TDRD9: variants seen among roughly 807,000 people sequenced by gnomAD.
TDRD9 encodes ATP-dependent RNA helicase TDRD9.
In TDRD9, 124 loss-of-function variants were observed where a neutral mutation model predicts 172.6. The observed-to-expected ratio is 0.72, with a 90% CI of 0.62 to 0.83. The LOEUF (loss-of-function observed/expected upper bound fraction) is 0.83. Ranked by LOEUF, TDRD9 falls within the 40% of genes least tolerant of loss-of-function variation. TDRD9 has a pLI of 0.00. For synonymous variants in TDRD9, 619 were observed against 617.1 expected (o/e 1.00, Z -0.05); for missense variants, 1,479 against 1,714.1 (o/e 0.86, Z 2.42).
In TDRD9 at chr14:103,957,588, G is replaced by C. The variant is rs992064195; in HGVS notation, c.322+1818G>C. The stretch of plus-strand genomic sequence containing the variant: ...CCTATATGCCAGTGAACAGAGGATT[G>C]GTGACTTTGGTCTTTTGTACAAAGG... On this transcript the variant is annotated intron_variant, in intron 2 of 35. Coordinates refer to ENST00000409874, the MANE Select transcript of TDRD9 (RefSeq NM_153046.3). Among the ~76,000 whole-genome samples the C allele has an allele frequency of 3.3e-5, 5 of 152,318 alleles. No individual in the cohort carries two copies. The East Asian group carries it at 9.6e-4, about 29-fold the overall frequency.
intron 2 of TDRD9, among the ~76,000 whole-genome samples, chr14:103,958,242 T>C (rs1481759373): frequency 6.6e-6 from 1 of 152,166 alleles, no homozygotes; most frequent in African/African-American, 2.4e-5. Flanking sequence ...GTCAGGAAAG[T>C]AACAGTTGAG....
chr14:104,046,257 C>G (rs2035773457), intron 34 of TDRD9, among the ~76,000 whole-genome samples: 1 of 152,076 alleles, frequency 6.6e-6, no homozygotes, highest in Admixed American at 6.5e-5. Flanking sequence ...GCCTGGCCTA[C>G]TTTATCTTTT....
At chr14:104,043,368 G>A (rs988207839) in intron 34 of TDRD9, among the ~76,000 whole-genome samples, 2 of 151,814 alleles carry the variant, frequency 1.3e-5, no homozygotes, top group African/African-American at 4.8e-5. Context: ...CAGCATCCAA[G>A]TAGCTGGGAT....
At chr14:103,994,897 C>A (rs1399498021) in intron 11 of TDRD9, among the ~76,000 whole-genome samples, 1 of 150,906 alleles carries the variant, frequency 6.6e-6, no homozygotes, top group African/African-American at 2.4e-5. Flanking sequence ...GCTGCAGTGA[C>A]CCGAGATCAC....
intron 34 of TDRD9, among the ~76,000 whole-genome samples, chr14:104,045,483 A>C (rs1394265864): frequency 1.3e-5 from 2 of 150,436 alleles, no homozygotes; most frequent in African/African-American, 4.9e-5. Context: ...ATTGTTTTTA[A>C]ATTTTAGATA....
intron 8 of TDRD9, among the ~76,000 whole-genome samples, chr14:103,990,630 C>T (rs952641876): frequency 1.7e-4 from 26 of 152,180 alleles, no homozygotes; most frequent in African/African-American, 6.3e-4. Context: ...CTCCAAAGAG[C>T]AAGGAGCTTG....
At chr14:104,034,130 A>G (rs1018690498) in intron 31 of TDRD9, 61 bp downstream of exon 31, 25 of 927,708 alleles carry the variant, frequency 2.7e-5, no homozygotes, top group Admixed American at 4.0e-5. Flanking sequence ...GACTTCAGCT[A>G]CTAGGAACAA....
chr14:103,951,912 G>A (rs879394565), intron 1 of TDRD9, among the ~76,000 whole-genome samples: 4 of 151,184 alleles, frequency 2.6e-5, no homozygotes, highest in Admixed American at 6.6e-5. Flanking sequence ...GACCACAGGC[G>A]CCCGCCACCA....
chr14:104,006,458 G>C lies in TDRD9; in HGVS notation c.1783G>C (p.Gly595Arg). The change falls in exon 16 of 36, where the codon GGA becomes CGA. Residue 595 changes from glycine (G) to arginine (R), a missense_variant. Transcript: ENST00000409874. ...NPHDGELTFL[G>R]RVLAQLPVNQ... Reference sequence around the variant, plus strand: ...CCATGATGGTGAATTGACCTTCTTAGGAAGAGTTTTAGCCCAACTTCCTGT... The same window carrying C: ...CCATGATGGTGAATTGACCTTCTTACGAAGAGTTTTAGCCCAACTTCCTGT... 6.2e-7 allele frequency: 1 copy of C among 1,613,870 alleles called. No individual in the cohort carries two copies. The highest frequency in any genetic ancestry group is 8.5e-7 in the Non-Finnish European group (1 of 1,179,782).
chr14:104,006,814 G>GAGTCA lies in TDRD9; in HGVS notation c.1976_1977insAGTCA (p.Ser659ArgfsTer36). On this transcript the variant is annotated frameshift_variant, in exon 18 of 36. Transcript: ENST00000409874. LOFTEE classifies it high-confidence loss of function. Reference sequence around the variant, plus strand: ...GTGAATTTCTCTGGCAGTAGCAAGAGTGACTGTATTGCACTTGTTGAGGCA... The same window carrying GAGTCA: ...GTGAATTTCTCTGGCAGTAGCAAGAGAGTCATGACTGTATTGCACTTGTTGAGGCA... 1.9e-6 allele frequency: 3 copies of GAGTCA among 1,613,516 alleles called. No homozygotes were observed. The highest frequency in any genetic ancestry group is 2.5e-6 in the Non-Finnish European group (3 of 1,179,654).
chr14:103,951,491 T>A (rs2031867112), intron 1 of TDRD9, among the ~76,000 whole-genome samples: 1 of 152,236 alleles, frequency 6.6e-6, no homozygotes, highest in South Asian at 2.1e-4. Context: ...ATAATCGGCA[T>A]TGTACATAGA....
At chr14:104,040,166 AATG>A in intron 32 of TDRD9, 27 bp from the exon 33 acceptor site, 1 of 1,393,998 alleles carries the variant, frequency 7.2e-7, no homozygotes. Flanking sequence ...ATTCTGAAAT[AATG>A]GACTCTTCTG....
In TDRD9 at chr14:104,024,552, A is replaced by T. The variant is rs1335296665; in HGVS notation, c.2607-17A>T. On this transcript the variant is annotated splice_polypyrimidine_tract_variant and intron_variant, in intron 24 of 35. Coordinates refer to ENST00000409874, the MANE Select transcript of TDRD9 (RefSeq NM_153046.3). ...TAAAACTTGATTTTTATTTTAATAA[A>T]AATTCGTATTATGTAGGGTGAATGT... The T allele has an allele frequency of 4.1e-6, 6 of 1,465,376 alleles. No individual in the cohort carries two copies. The highest frequency in any genetic ancestry group is 4.7e-6 in the Non-Finnish European group (5 of 1,069,650). The allele number at this position is 1,465,376 out of a possible 1,614,324, so 90.8% of individuals were successfully genotyped here. A position where few individuals can be genotyped will look rare whatever the true frequency, so the allele number is the denominator to read the frequency against.
At chr14:104,003,816 A>G (rs533470657) in intron 13 of TDRD9, among the ~76,000 whole-genome samples, 8 of 152,166 alleles carry the variant, frequency 5.3e-5, no homozygotes, top group East Asian at 1.9e-4. Context: ...TGGGAAGCAC[A>G]GGGTGCTGAG....
chr14:104,032,576 G>A (rs769986452), intron 30 of TDRD9, among the ~76,000 whole-genome samples: 1 of 152,156 alleles, frequency 6.6e-6, no homozygotes, highest in African/African-American at 2.4e-5. Context: ...TCTCACACAC[G>A]TGAAAGCCAT....
At chr14:104,039,958 TAAA>T (rs1384880507) in intron 32 of TDRD9, among the ~76,000 whole-genome samples, 1 of 152,134 alleles carries the variant, frequency 6.6e-6, no homozygotes, top group African/African-American at 2.4e-5. Context: ...AGAAACTTAA[TAAA>T]GTATTAATAC....
chr14:104,023,663 A>G (rs1053910308), intron 24 of TDRD9, among the ~76,000 whole-genome samples: 1 of 152,250 alleles, frequency 6.6e-6, no homozygotes, highest in Non-Finnish European at 1.5e-5. Context: ...ATAGTCACCT[A>G]TGTGGGAAGT....
chr14:103,971,772 C>G (rs765231658), intron 6 of TDRD9, among the ~76,000 whole-genome samples: 2 of 152,288 alleles, frequency 1.3e-5, no homozygotes, highest in Admixed American at 6.5e-5. Context: ...ATATTTTCTC[C>G]AGGCTGCAGA....
chr14:104,026,181 AGGATTCCTGGGT>A (rs1388192446), intron 27 of TDRD9, 45 bp downstream of exon 27: 8 of 1,340,874 alleles, frequency 6.0e-6, no homozygotes, highest in African/African-American at 1.4e-5. Flanking sequence ...CATGCTGGAC[AGGATTCCTGGGT>A]GGATTCCTGG....
Sources: allele counts gnomAD v4.1 joint callset (sites outside exome capture counted in the v4.1 genomes callset), GRCh38; gene constraint gnomAD v4.1.1; transcripts MANE v1.5; gene names NCBI Gene and HGNC (gene_info 2026-07-23, HGNC 2026-07-21).